XRCC4: variants seen among roughly 807,000 people sequenced by gnomAD.
XRCC4 encodes X-ray repair cross complementing 4.
A neutral mutation model predicts 39.1 loss-of-function variants in XRCC4; 28 were observed. The observed-to-expected ratio is 0.72, with a 90% CI of 0.53 to 0.98. XRCC4 has a LOEUF of 0.98. Ranked by LOEUF, XRCC4 falls within the 50% of genes least tolerant of loss-of-function variation. The pLI, the probability that XRCC4 is intolerant of heterozygous loss-of-function variation, is 0.00. For missense variants in XRCC4, 350 were observed against 376.4 expected (o/e 0.93, Z 0.58); for synonymous variants, 123 against 126.4 (o/e 0.97, Z 0.18).
At chr5:83,304,686 C>T (rs923045598) in intron 7 of XRCC4, among the ~76,000 whole-genome samples, 11 of 151,692 alleles carry the variant, frequency 7.3e-5, no homozygotes, top group Non-Finnish European at 1.2e-4. Flanking sequence ...TTTACCTTTG[C>T]TTTGCTTCTG....
In XRCC4 at chr5:83,265,522, G is replaced by A. The variant is rs191427057; in HGVS notation, c.893+6845G>A. 6.5e-4 allele frequency among the ~76,000 whole-genome samples: 99 copies of A among 152,250 alleles called. 1 individual carries two copies. Among genetic ancestry groups the A allele is most frequent in the Middle Eastern group, 6.8e-3 (2 of 294 alleles). On this transcript the variant is annotated intron_variant, in intron 7 of 7. Coordinates refer to ENST00000396027, the MANE Select transcript of XRCC4 (RefSeq NM_003401.5). ...CTTGTTCCAGAGTATACTGATTATG[G>A]TCAGTGCACTTCAAAGATGATTTAT...
chr5:83,261,479 C>G (rs1361404855), intron 7 of XRCC4, among the ~76,000 whole-genome samples: 1 of 151,988 alleles, frequency 6.6e-6, no homozygotes, highest in Non-Finnish European at 1.5e-5. Context: ...GATTGCATGA[C>G]CTTCAGTCCC....
chr5:83,177,234 G>A lies in XRCC4; in HGVS notation c.316-18536G>A, dbSNP rs573673747. 5.3e-5 allele frequency among the ~76,000 whole-genome samples: 8 copies of A among 152,252 alleles called. No individual in the cohort carries two copies. In the East Asian group the frequency reaches 1.2e-3, roughly 22 times the overall value. Reference sequence around the variant, plus strand: ...AGGTTTCAGTAAAAGCAGACCAAATGTGTGCAAATGCATTGACTTTAAAAC... The same window carrying A: ...AGGTTTCAGTAAAAGCAGACCAAATATGTGCAAATGCATTGACTTTAAAAC... On this transcript the variant is annotated intron_variant, in intron 3 of 7. Coordinates refer to ENST00000396027, the MANE Select transcript of XRCC4 (RefSeq NM_003401.5).
chr5:83,246,770 AAGTAAC>A (rs1441034731), intron 6 of XRCC4, among the ~76,000 whole-genome samples: 1 of 152,144 alleles, frequency 6.6e-6, no homozygotes, highest in Non-Finnish European at 1.5e-5. Context: ...CAATCCTTTA[AAGTAAC>A]AGTTTGTGCA....
the XRCC4 span, among the ~76,000 whole-genome samples, chr5:83,373,824 T>C: frequency 2.0e-5 from 3 of 152,212 alleles, no homozygotes; most frequent in Non-Finnish European, 4.4e-5. Context: ...TGTATATCTA[T>C]GTATATAATA....
At chr5:83,341,654 C>G (rs746298685) in intron 7 of XRCC4, among the ~76,000 whole-genome samples, 4 of 151,878 alleles carry the variant, frequency 2.6e-5, no homozygotes, top group Non-Finnish European at 5.9e-5. Context: ...TTAGTGATGA[C>G]CCCCCCACTC....
chr5:83,195,918 G>A lies in XRCC4; in HGVS notation c.464G>A (p.Trp155Ter), dbSNP rs1267044292. 1.9e-6 allele frequency: 3 copies of A among 1,609,378 alleles called. No homozygotes were observed. The highest frequency in any genetic ancestry group is 2.5e-6 in the Non-Finnish European group (3 of 1,177,704). The change falls in exon 4 of 8, where the codon TGG becomes TAG. Residue 155 changes from tryptophan (W) to a stop codon, truncating the protein, a stop_gained. Transcript: ENST00000396027. LOFTEE classifies it high-confidence loss of function. ...QKENERLLRD[W>*]NDVQGRFEKC... is the part of the protein sequence containing the mutation. ...GAAAATGAAAGGCTTCTGAGAGATT[G>A]GAATGATGTTCAAGGACGGTGTGTA...
chr5:83,112,678 T>C (rs1403505114), intron 3 of XRCC4, among the ~76,000 whole-genome samples: 2 of 152,088 alleles, frequency 1.3e-5, no homozygotes, highest in Non-Finnish European at 2.9e-5. Context: ...GGCCTCACAA[T>C]CATGGTGGAA....
intron 6 of XRCC4, among the ~76,000 whole-genome samples, chr5:83,245,738 C>G (rs1304875634): frequency 6.6e-6 from 1 of 151,888 alleles, no homozygotes; most frequent in Admixed American, 6.6e-5. Flanking sequence ...TTGAAAATAT[C>G]TTATTTGATC....
intron 7 of XRCC4, among the ~76,000 whole-genome samples, chr5:83,266,878 C>A (rs997084075): frequency 1.3e-5 from 2 of 152,100 alleles, no homozygotes; most frequent in African/African-American, 4.8e-5. Flanking sequence ...TAAATCACTT[C>A]TAGAAATACA....
chr5:83,353,917 C>T (rs921924625), downstream of XRCC4: 4 of 152,182 alleles, frequency 2.6e-5, no homozygotes, highest in African/African-American at 9.6e-5. Context: ...TTATCTTACA[C>T]ATACAGGGGC....
At chr5:83,339,883 A>G (rs1756702983) in intron 7 of XRCC4, among the ~76,000 whole-genome samples, 1 of 152,140 alleles carries the variant, frequency 6.6e-6, no homozygotes, top group Non-Finnish European at 1.5e-5. Context: ...TATTTAAGGG[A>G]ATTCAGAAGT....
rs186377590 is a variant in XRCC4 at position 83,339,457 on chromosome 5, C to T, written c.894-13674C>T. The stretch of plus-strand genomic sequence containing the variant: ...CATGGACGCAGGGAGGGGAACATCA[C>T]ACACCAGGGCCTGTCAGGAGATGGG... On this transcript the variant is annotated intron_variant, in intron 7 of 7. Coordinates refer to ENST00000396027, the MANE Select transcript of XRCC4 (RefSeq NM_003401.5). Among the ~76,000 whole-genome samples the T allele has an allele frequency of 1.9e-3, 290 of 151,666 alleles. 2 individuals are homozygous for T. The highest frequency in any genetic ancestry group is 3.3e-3 in the Non-Finnish European group (224 of 67,910).
At chr5:83,359,438 A>C in the XRCC4 span, among the ~76,000 whole-genome samples, 2 of 152,170 alleles carry the variant, frequency 1.3e-5, no homozygotes, top group Non-Finnish European at 2.9e-5. Context: ...TTTGCTGAAG[A>C]AGCCAATCTA....
At chr5:83,214,307 A>T (rs1751763110) in intron 6 of XRCC4, among the ~76,000 whole-genome samples, 1 of 152,220 alleles carries the variant, frequency 6.6e-6, no homozygotes, top group South Asian at 2.1e-4. Flanking sequence ...AACACTACGG[A>T]ATTCACTAAA....
chr5:83,268,964 G>T (rs1754046012), intron 7 of XRCC4, among the ~76,000 whole-genome samples: 1 of 152,110 alleles, frequency 6.6e-6, no homozygotes, highest in Non-Finnish European at 1.5e-5. Flanking sequence ...AGTTTATCTT[G>T]GGTTAAGCAA....
chr5:83,258,461 A>T, intron 6 of XRCC4, 69 bp from the exon 7 acceptor site: 1 of 1,536,498 alleles, frequency 6.5e-7, no homozygotes, highest in Non-Finnish European at 8.8e-7. Context: ...ATGCTAAAAC[A>T]GCAAGTTAAT....
chr5:83,310,986 C>A, intron 7 of XRCC4: 1 of 346,822 alleles, frequency 2.9e-6, no homozygotes. Context: ...CCTGCCAACA[C>A]CTTTATTTTA....
At chr5:83,328,340 T>C (rs1756333656) in intron 7 of XRCC4, among the ~76,000 whole-genome samples, 1 of 152,130 alleles carries the variant, frequency 6.6e-6, no homozygotes, top group South Asian at 2.1e-4. Flanking sequence ...TCAATATTCA[T>C]AGTGCATATT....
Sources: gnomAD v4.1 joint callset for allele counts (sites outside exome capture counted in the v4.1 genomes callset) on GRCh38, gnomAD v4.1.1 for gene constraint, MANE v1.5 for transcripts, NCBI Gene and HGNC (gene_info 2026-07-23, HGNC 2026-07-21) for gene names.